ALDH1L1: variants seen among roughly 807,000 people sequenced by gnomAD.
The protein encoded by ALDH1L1 is cytosolic 10-formyltetrahydrofolate dehydrogenase.
ALDH1L1 carries 68 observed loss-of-function variants against 101.1 expected under a neutral mutation model. The observed-to-expected ratio is 0.67, with a 90% CI of 0.55 to 0.82. The LOEUF (loss-of-function observed/expected upper bound fraction) is 0.82, where lower values mean the gene tolerates loss of function less well. ALDH1L1 is among the 40% of genes least tolerant of loss of function. The pLI is 0.00. For missense variants in ALDH1L1, 1,087 were observed against 1,172.7 expected, an observed-to-expected ratio of 0.93 and a Z score of 1.07; for synonymous variants, 486 against 470.8, an observed-to-expected ratio of 1.03 and a Z score of -0.42.
At position 126,146,915 on chromosome 3, in the gene ALDH1L1, CT is replaced by C. The variant is rs1446652761; in HGVS notation, c.995del (p.Gln332ArgfsTer27). 1.2e-6 allele frequency: 2 copies of C among 1,613,840 alleles called. No homozygotes were observed. Among genetic ancestry groups the C allele is most frequent in the Non-Finnish European group, 1.7e-6 (2 of 1,179,926 alleles). ...CCTCCAGGACTTTGGGGAGGATCCG[CT>C]GCCAAACACTCTGCAAAGCAAGACC... is the stretch of plus-strand genomic sequence containing the variant. ...VTAEAVRSVW[Q>X]RILPKVLEVE... On this transcript the variant is annotated frameshift_variant, in exon 9 of 23. Coordinates refer to ENST00000393434, the MANE Select transcript of ALDH1L1 (RefSeq NM_012190.4). LOFTEE classifies it high-confidence loss of function.
In ALDH1L1 at chr3:126,137,840, A is replaced by G. The variant is rs2080481092; in HGVS notation, c.1197T>C (p.Asp399=). Residue 399 remains aspartate, a synonymous_variant, in exon 10 of 23, where the codon GAT becomes GAC. Coordinates refer to ENST00000393434, the MANE Select transcript of ALDH1L1 (RefSeq NM_012190.4). ...AGTCAATGCTGCACTCGCCCTCCTC[A>G]TCGTCCCCTCGCAGCTTCCTCACTA... ...QLLVRKLRGD[D]EEGECSIDYV... 5 of 1,614,116 alleles carry G rather than the reference A, an allele frequency of 3.1e-6. No individual in the cohort carries two copies. Among genetic ancestry groups the G allele is most frequent in the Non-Finnish European group, 2.5e-6 (3 of 1,180,006 alleles).
At chr3:126,108,688 A>C (rs1559913060) in intron 20 of ALDH1L1, among the ~76,000 whole-genome samples, 1 of 152,208 alleles carries the variant, frequency 6.6e-6, no homozygotes, top group African/African-American at 2.4e-5. Flanking sequence ...TGAGCTGAAG[A>C]AGCAGGAGCT....
intron 8 of ALDH1L1, among the ~76,000 whole-genome samples, chr3:126,149,213 G>A (rs1390466816): frequency 2.0e-5 from 3 of 152,230 alleles, no homozygotes; most frequent in African/African-American, 7.2e-5. Context: ...TTTCTCATGA[G>A]ATGCTTAGAC....
At chr3:126,157,289 G>A in intron 4 of ALDH1L1, 54 bp downstream of exon 4, 1 of 1,569,376 alleles carries the variant, frequency 6.4e-7, no homozygotes, top group South Asian at 1.2e-5. Context: ...GTCTAGGGAG[G>A]ATGCTTGAGG....
intron 1 of ALDH1L1, among the ~76,000 whole-genome samples, chr3:126,187,888 T>C (rs547408053): frequency 9.2e-5 from 9 of 98,162 alleles, no homozygotes; most frequent in African/African-American, 3.5e-4. Context: ...ACAACGGCTC[T>C]GTCAAAAAGA....
upstream of ALDH1L1, among the ~76,000 whole-genome samples, chr3:126,184,568 G>A (rs549476100): frequency 1.3e-5 from 2 of 152,292 alleles, no homozygotes; most frequent in South Asian, 2.1e-4. Context: ...CGGGCTTTCC[G>A]CAGGGCCCTG....
chr3:126,180,655 G>A (rs1248609792), upstream of ALDH1L1: 3 of 1,333,840 alleles, frequency 2.2e-6, no homozygotes, highest in African/African-American at 4.4e-5. Context: ...CGGGCGGAGA[G>A]TCAGCCGAGT....
chr3:126,136,296 T>C (rs112763346), intron 11 of ALDH1L1, among the ~76,000 whole-genome samples: 9,065 of 152,194 alleles, frequency 0.06, 849 homozygotes, highest in African/African-American at 0.2. Context: ...GTGTTTTGGA[T>C]ATGTTCACGT....
chr3:126,124,088 C>G (rs958833489), intron 16 of ALDH1L1, among the ~76,000 whole-genome samples: 3 of 150,908 alleles, frequency 2.0e-5, no homozygotes, highest in Non-Finnish European at 4.4e-5. Context: ...CCCCAAGTAA[C>G]AAGTTTATTC....
chr3:126,157,794 T>C lies in ALDH1L1; in HGVS notation c.363-286A>G, dbSNP rs113202117. 2.9e-3 allele frequency among the ~76,000 whole-genome samples: 434 copies of C among 152,208 alleles called. 1 individual carries two copies. The highest frequency in any genetic ancestry group is 9.8e-3 in the African/African-American group (405 of 41,498). ...ATAGGGAAACTAAGGCCCAGAAAAG[T>C]GAAGCGACACCCACAAAGATCAGAG... is the stretch of plus-strand genomic sequence containing the variant. On this transcript the variant is annotated intron_variant, in intron 3 of 22. Coordinates refer to ENST00000393434, the MANE Select transcript of ALDH1L1 (RefSeq NM_012190.4).
upstream of ALDH1L1, chr3:126,181,067 A>G: frequency 1.3e-6 from 2 of 1,509,172 alleles, no homozygotes; most frequent in Non-Finnish European, 9.0e-7. Context: ...CCGGGTGGAT[A>G]GCGGCGCTTC....
chr3:126,114,976 C>T, intron 17 of ALDH1L1: 1 of 475,612 alleles, frequency 2.1e-6, no homozygotes, highest in Middle Eastern at 3.2e-4. Flanking sequence ...AAAACCACAG[C>T]CTGCCTGTGC....
rs762851050 is a variant in ALDH1L1 at position 126,155,462 on chromosome 3, T to C, written c.570A>G (p.Arg190=). ...VRLIAEGKAP[R]LPQPEEGATY... is the part of the protein sequence containing the mutation. ...TGGCTCCTTCCTCAGGCTGAGGGAG[T>C]CTGGGGGCTTTGCCCTCAGCGATCA... The change falls in exon 5 of 23, where the codon AGA becomes AGG. Residue 190 remains arginine (R), a synonymous_variant. Coordinates refer to ENST00000393434, the MANE Select transcript of ALDH1L1 (RefSeq NM_012190.4). 5 of 1,612,848 alleles carry C rather than the reference T, an allele frequency of 3.1e-6. No homozygotes were observed. The highest frequency in any genetic ancestry group is 1.6e-4 in the Middle Eastern group (1 of 6,062).
chr3:126,134,497 C>T (rs1308736199), intron 12 of ALDH1L1, among the ~76,000 whole-genome samples: 1 of 152,198 alleles, frequency 6.6e-6, no homozygotes, highest in Admixed American at 6.5e-5. Flanking sequence ...GTGGCCAGTG[C>T]CTTTCTAGAA....
intron 11 of ALDH1L1, 48 bp downstream of exon 11, chr3:126,136,716 A>G (rs1355543384): frequency 5.2e-6 from 8 of 1,551,692 alleles, no homozygotes; most frequent in Non-Finnish European, 7.0e-6. Context: ...GGAAGGAAGG[A>G]CAGGGAGGCT....
At chr3:126,121,481 C>CTA (rs2108211763) in intron 16 of ALDH1L1, among the ~76,000 whole-genome samples, 1 of 152,316 alleles carries the variant, frequency 6.6e-6, no homozygotes, top group South Asian at 2.1e-4. Flanking sequence ...AAAACTACAA[C>CTA]TATATGATAT....
intron 2 of ALDH1L1, chr3:126,159,328 G>C: frequency 2.4e-6 from 1 of 420,238 alleles, no homozygotes; most frequent in South Asian, 1.8e-5. Context: ...CTGGATTACA[G>C]GCCCAAGCTC....
intron 22 of ALDH1L1, chr3:126,104,370 C>T (rs1490507947): frequency 1.2e-5 from 2 of 165,882 alleles, no homozygotes; most frequent in Non-Finnish European, 1.3e-5. Context: ...CCAGGAGTGG[C>T]ACTGCCCCGT....
chr3:126,138,774 T>C (rs774052035), intron 9 of ALDH1L1, among the ~76,000 whole-genome samples: 3 of 152,196 alleles, frequency 2.0e-5, no homozygotes, highest in Non-Finnish European at 4.4e-5. Flanking sequence ...CTCAAGTATT[T>C]ATCCAAAAGA....
Sources: allele counts gnomAD v4.1 joint callset (sites outside exome capture counted in the v4.1 genomes callset), GRCh38; gene constraint gnomAD v4.1.1; transcripts MANE v1.5; gene names NCBI Gene and HGNC (gene_info 2026-07-23, HGNC 2026-07-21).